Variants in CEP120 observed in about 807,000 individuals in gnomAD.
CEP120 encodes centrosomal protein of 120 kDa.
In CEP120, 113 loss-of-function variants were observed where a neutral mutation model predicts 126.5. That is an observed-to-expected ratio of 0.89 (90% CI 0.77 to 1.04). CEP120 has a LOEUF of 1.04. Among genes scored for constraint, CEP120 ranks in the 50% least tolerant of loss-of-function variants. The probability of loss-of-function intolerance (pLI) is 0.00; values close to 1 mark genes in which losing one functional copy is unlikely to be tolerated. For synonymous variants in CEP120, 400 were observed against 394.3 expected (o/e 1.01, Z -0.17); for missense variants, 1,230 against 1,155.7 (o/e 1.06, Z -0.93).
intron 18 of CEP120, 117 bp downstream of exon 18, chr5:123,364,379 C>CA (rs1167205782): frequency 5.1e-5 from 23 of 454,578 alleles, no homozygotes; most frequent in Non-Finnish European, 4.6e-5. Context: ...CCTCTAATCT[C>CA]AAAAAATAGC....
intron 4 of CEP120, among the ~76,000 whole-genome samples, chr5:123,399,758 A>T (rs7731697): frequency 0.22 from 32,811 of 152,106 alleles, 3,814 homozygotes; most frequent in Middle Eastern, 0.26. Context: ...ACCGACATAC[A>T]GAGGGAGGTG....
chr5:123,362,813 C>G (rs1194311372), intron 18 of CEP120, among the ~76,000 whole-genome samples: 3 of 151,568 alleles, frequency 2.0e-5, no homozygotes, highest in Non-Finnish European at 4.4e-5. Flanking sequence ...ATTTTTAAGC[C>G]CAATCATTCT....
At chr5:123,376,895 CAA>C (rs1333016516) in intron 16 of CEP120, among the ~76,000 whole-genome samples, 1 of 151,980 alleles carries the variant, frequency 6.6e-6, no homozygotes, top group African/African-American at 2.4e-5. Flanking sequence ...GACAAGCCTG[CAA>C]AAGAGCCTGA....
At chr5:123,373,407 C>T (rs146716587) in intron 16 of CEP120, among the ~76,000 whole-genome samples, 11 of 152,150 alleles carry the variant, frequency 7.2e-5, no homozygotes, top group African/African-American at 2.6e-4. Context: ...ATCCAGTTTA[C>T]TAAAAGAATG....
intron 1 of CEP120, among the ~76,000 whole-genome samples, chr5:123,421,166 A>G (rs1276049915): frequency 6.6e-6 from 1 of 152,244 alleles, no homozygotes; most frequent in Non-Finnish European, 1.5e-5. Context: ...CTGGCTTTCA[A>G]GATCCTCTGA....
At chr5:123,414,456 T>C (rs947813896) in intron 3 of CEP120, among the ~76,000 whole-genome samples, 2 of 152,342 alleles carry the variant, frequency 1.3e-5, no homozygotes, top group Admixed American at 1.3e-4. Context: ...ATCCTTGCTA[T>C]CAGCAGCAAA....
chr5:123,367,241 T>C (rs1770529608), intron 17 of CEP120, among the ~76,000 whole-genome samples: 2 of 151,926 alleles, frequency 1.3e-5, no homozygotes, highest in Admixed American at 1.3e-4. Flanking sequence ...AGGGGTGGCA[T>C]ATAGTAGATA....
chr5:123,393,591 TG>T (rs1248083335), intron 5 of CEP120, 94 bp from the exon 6 acceptor site: 8 of 1,064,662 alleles, frequency 7.5e-6, no homozygotes, highest in Non-Finnish European at 1.1e-5. Flanking sequence ...TTTGCTAAAA[TG>T]TTTTTTTATT....
At chr5:123,383,322 A>G (rs1458517540) in intron 11 of CEP120, among the ~76,000 whole-genome samples, 1 of 152,068 alleles carries the variant, frequency 6.6e-6, no homozygotes, top group Non-Finnish European at 1.5e-5. Context: ...CCCCTATGAG[A>G]GCTTTAAAAG....
At chr5:123,421,193 T>G (rs528139986) in intron 1 of CEP120, among the ~76,000 whole-genome samples, 28 of 152,356 alleles carry the variant, frequency 1.8e-4, no homozygotes, top group Admixed American at 7.8e-4. Context: ...TTCGCTCCAG[T>G]TGTACAAGCT....
intron 1 of CEP120, 42 bp downstream of exon 1, chr5:123,422,908 T>G (rs754675830): frequency 1.3e-6 from 2 of 1,585,554 alleles, no homozygotes; most frequent in East Asian, 4.5e-5. Context: ...CTTTTAAAAC[T>G]CGGGAGGCAG....
chr5:123,350,517 G>A (rs181147605), intron 18 of CEP120, among the ~76,000 whole-genome samples: 2 of 152,162 alleles, frequency 1.3e-5, no homozygotes, highest in South Asian at 2.1e-4. Context: ...ACAGGACAAC[G>A]GAAGTTGAAG....
intron 19 of CEP120, among the ~76,000 whole-genome samples, chr5:123,347,110 G>T (rs1416799599): frequency 6.6e-6 from 1 of 152,016 alleles, no homozygotes; most frequent in Non-Finnish European, 1.5e-5. Context: ...TTTAAAAAAT[G>T]CATATATGTA....
intron 10 of CEP120, among the ~76,000 whole-genome samples, chr5:123,385,824 A>C (rs1467211000): frequency 6.6e-6 from 1 of 151,948 alleles, no homozygotes; most frequent in Non-Finnish European, 1.5e-5. Context: ...GGCTAGTCTA[A>C]AACTCCTGGG....
chr5:123,369,092 G>A (rs529284288), intron 17 of CEP120, among the ~76,000 whole-genome samples: 7 of 151,786 alleles, frequency 4.6e-5, no homozygotes, highest in African/African-American at 1.4e-4. Flanking sequence ...GTCATAAGCC[G>A]AAGAGACAGG....
chr5:123,418,654 T>A, intron 1 of CEP120, 139 bp from the exon 2 acceptor site: 2 of 655,790 alleles, frequency 3.0e-6, no homozygotes, highest in Non-Finnish European at 4.7e-6. Flanking sequence ...TGGAGTTCAG[T>A]AGCGCAATCT....
At chr5:123,374,146 C>A (rs1420610719) in intron 16 of CEP120, among the ~76,000 whole-genome samples, 1 of 151,882 alleles carries the variant, frequency 6.6e-6, no homozygotes, top group East Asian at 1.9e-4. Flanking sequence ...TTTACAAATT[C>A]AAATACTATT....
At position 123,350,017 on chromosome 5, in the gene CEP120, G is replaced by A; in HGVS notation, c.2653C>T (p.Leu885Phe). The stretch of plus-strand genomic sequence containing the variant: ...ACTGTATCTTTTTCCTCAGCGGCAA[G>A]GTAACGTAGTCTCATCTGTTCCAAT... ...EELEQMRLRY[L>F]AAEEKDTVKT... The change falls in exon 19 of 20, where the codon CTT becomes TTT. Residue 885 changes from leucine to phenylalanine, a missense_variant. Coordinates refer to ENST00000306467, the MANE Select transcript of CEP120 (RefSeq NM_001375405.1). 1 of 1,613,620 alleles carries A rather than the reference G, an allele frequency of 6.2e-7. No homozygotes were observed. Among genetic ancestry groups the A allele is most frequent in the Non-Finnish European group, 8.5e-7 (1 of 1,179,804 alleles).
rs185412294 is a variant in CEP120 at position 123,371,428 on chromosome 5, A to C, written c.2481+1222T>G. Among the ~76,000 whole-genome samples, 54 of 152,202 alleles carry C rather than the reference A, an allele frequency of 3.5e-4. No individual in the cohort carries two copies. In the Middle Eastern group the frequency reaches 0.014, roughly 38 times the overall value. ...TCAGATGTTGTGAGACTTATTCACT[A>C]TCAGGAGAACAGCACAAGAAAGACT... On this transcript the variant is annotated intron_variant, in intron 17 of 19. Coordinates refer to ENST00000306467, the MANE Select transcript of CEP120 (RefSeq NM_001375405.1).
Sources: gnomAD v4.1 joint callset for allele counts (sites outside exome capture counted in the v4.1 genomes callset) on GRCh38, gnomAD v4.1.1 for gene constraint, MANE v1.5 for transcripts, NCBI Gene and HGNC (gene_info 2026-07-23, HGNC 2026-07-21) for gene names.